The following BRCA1 variants were observed in gnomAD, a reference collection of about 807,000 sequenced individuals.
The protein encoded by BRCA1 is breast cancer type 1 susceptibility protein.
Under a neutral mutation model 173.7 loss-of-function variants are expected in BRCA1, and 140 were observed. The ratio of observed to expected loss-of-function variants is 0.81; its 90% CI spans 0.70 to 0.93. BRCA1 has a LOEUF of 0.93. Among genes scored for constraint, BRCA1 ranks in the 40% least tolerant of loss-of-function variants. The pLI, the probability that BRCA1 is intolerant of heterozygous loss-of-function variation, is 0.00. For missense variants in BRCA1, 1,983 were observed against 2,172.5 expected (o/e 0.91, Z 1.73); for synonymous variants, 662 against 756.0 (o/e 0.88, Z 2.04).
intron 1 of BRCA1, among the ~76,000 whole-genome samples, chr17:43,131,609 T>A (rs1265049420): frequency 6.6e-6 from 1 of 151,802 alleles, no homozygotes; most frequent in Non-Finnish European, 1.5e-5. Context: ...TAGTCCTAGC[T>A]ACTTGGGAGG....
At chr17:43,095,164 T>C (rs2054080786) in intron 9 of BRCA1, among the ~76,000 whole-genome samples, 1 of 152,216 alleles carries the variant, frequency 6.6e-6, no homozygotes, top group Non-Finnish European at 1.5e-5. Flanking sequence ...GAAAACTGGT[T>C]CTGATGTACT....
chr17:43,076,383 G>T, intron 13 of BRCA1, 105 bp downstream of exon 13: 1 of 1,382,950 alleles, frequency 7.2e-7, no homozygotes, highest in Non-Finnish European at 1.0e-6. Flanking sequence ...ATAAATGCCT[G>T]TATGCAAAAA....
chr17:43,050,052 A>G (rs866206672), intron 20 of BRCA1: 1 of 398,642 alleles, frequency 2.5e-6, no homozygotes, highest in Non-Finnish European at 4.4e-6. Flanking sequence ...GAGGATGGAA[A>G]CAAAATTACA....
chr17:43,102,132 G>A lies in BRCA1; in HGVS notation c.441+1990C>T, dbSNP rs183687593. ...GTCGCCCAGGCTGGATCGCAGTGGC[G>A]GGATCTCGGCTCACTGCAAGCTCCA... On this transcript the variant is annotated intron_variant, in intron 6 of 22. Coordinates refer to ENST00000357654, the MANE Select transcript of BRCA1 (RefSeq NM_007294.4). Among the ~76,000 whole-genome samples, 555 of 151,102 alleles carry A rather than the reference G, an allele frequency of 3.7e-3. 3 individuals carry two copies. The highest frequency in any genetic ancestry group is 0.013 in the African/African-American group (517 of 41,184).
chr17:43,105,100 CT>C, intron 4 of BRCA1, 144 bp from the exon 5 acceptor site: 1 of 682,184 alleles, frequency 1.5e-6, no homozygotes, highest in Non-Finnish European at 2.5e-6. Flanking sequence ...TCATTGACAT[CT>C]GTATAAACCG....
rs777595821 is a variant in BRCA1 at position 43,093,881 on chromosome 17, A to G, written c.1650T>C (p.Asn550=). 5 of 1,613,836 alleles carry G rather than the reference A, an allele frequency of 3.1e-6. No homozygotes were observed. In the South Asian group the frequency reaches 5.5e-5, roughly 18 times the overall value. ...EQNGQVMNIT[N]SGHENKTKGD... ...CTTTTGTTTTATTCTCATGACCACT[A>G]TTAGTAATATTCATCACTTGACCAT... The change falls in exon 10 of 23, where the codon AAT becomes AAC. Residue 550 remains asparagine, a synonymous_variant. Coordinates refer to ENST00000357654, the MANE Select transcript of BRCA1 (RefSeq NM_007294.4).
Position 43,092,353 on chromosome 17 carries a change from C to A in BRCA1, c.3178G>T (p.Glu1060Ter), listed in dbSNP as rs80357424. The change falls in exon 10 of 23, where the codon GAA (glutamate) becomes TAA (stop). Residue 1060 changes from glutamate to a stop codon, truncating the protein, a stop_gained. Transcript: ENST00000357654. LOFTEE classifies it high-confidence loss of function. The part of the protein sequence containing the change: ...STNEVGSSIN[E>*]IGSSDENIQA... Reference sequence around the variant, plus strand: ...ATGTTTTCATCACTGGAACCTATTTCATTAATACTGGAGCCCACTTCATTA... The same window carrying A: ...ATGTTTTCATCACTGGAACCTATTTAATTAATACTGGAGCCCACTTCATTA... 6.2e-7 allele frequency: 1 copy of A among 1,613,924 alleles called. No homozygotes were observed. Among genetic ancestry groups the A allele is most frequent in the Non-Finnish European group, 8.5e-7 (1 of 1,179,994 alleles).
chr17:43,124,833 T>C, intron 1 of BRCA1: 1 of 299,204 alleles, frequency 3.3e-6, no homozygotes, highest in Non-Finnish European at 6.6e-6. Context: ...CTCGGCTCAC[T>C]GCAACCTCCG....
intron 1 of BRCA1, among the ~76,000 whole-genome samples, chr17:43,133,847 C>T (rs2055992848): frequency 3.3e-5 from 5 of 152,136 alleles, no homozygotes; most frequent in African/African-American, 1.2e-4. Flanking sequence ...GTTGGCCAGG[C>T]TGGTCTCAAA....
chr17:43,116,191 C>CT lies in BRCA1; in HGVS notation c.81-413dup, dbSNP rs8176097. Reference sequence around the variant, plus strand: ...ATTTCTTTTGAATTCCTTCCTAGAACTTTTTTTTGTTTACTGTAAATGCCT... The same window carrying CT: ...ATTTCTTTTGAATTCCTTCCTAGAACTTTTTTTTTGTTTACTGTAAATGCCT... On this transcript the variant is annotated intron_variant, in intron 2 of 22. Transcript: ENST00000357654. 0.3 allele frequency among the ~76,000 whole-genome samples: 45,565 copies of CT among 151,642 alleles called. 7,127 individuals carry two copies. The highest frequency in any genetic ancestry group is 0.49 in the South Asian group (2,334 of 4,812).
At chr17:43,097,461 G>C (rs1479368758) in intron 7 of BRCA1, among the ~76,000 whole-genome samples, 172 bp from the exon 8 acceptor site, 1 of 152,188 alleles carries the variant, frequency 6.6e-6, no homozygotes, top group African/African-American at 2.4e-5. Flanking sequence ...GTGGTTAAAG[G>C]CATGGGCTTC....
At chr17:43,081,825 A>AT (rs905054924) in intron 12 of BRCA1, among the ~76,000 whole-genome samples, 2 of 152,008 alleles carry the variant, frequency 1.3e-5, no homozygotes, top group Non-Finnish European at 2.9e-5. Flanking sequence ...GTCCATCTGG[A>AT]TTTTTTTTGA....
upstream of BRCA1, among the ~76,000 whole-genome samples, chr17:43,127,747 G>A (rs370314279): frequency 2.6e-5 from 4 of 152,220 alleles, no homozygotes; most frequent in South Asian, 8.3e-4. Context: ...TGCCCCGCTG[G>A]GTGCCAGTGG....
chr17:43,157,819 ACACCCCG>A (rs2056207398), intron 1 of BRCA1, among the ~76,000 whole-genome samples: 1 of 152,020 alleles, frequency 6.6e-6, no homozygotes, highest in Non-Finnish European at 1.5e-5. Context: ...CAACATGGAG[ACACCCCG>A]TCTCTACTAA....
intron 1 of BRCA1, among the ~76,000 whole-genome samples, chr17:43,148,075 T>G (rs985415474): frequency 6.6e-6 from 1 of 152,214 alleles, no homozygotes; most frequent in African/African-American, 2.4e-5. Flanking sequence ...TTGGGCAGTT[T>G]CCTCACTGAC....
Position 43,092,200 on chromosome 17 carries a change from G to A in BRCA1, c.3331C>T (p.Gln1111Ter), listed in dbSNP as rs80357089. ...SNCKHPEIKKQEYEEVVQTVN... is the reference protein window; with the variant it reads ...SNCKHPEIKK ...GTCTGAACTACTTCTTCATATTCTT[G>A]CTTTTTTATTTCAGGATGCTTACAA... The change falls in exon 10 of 23, where the codon CAA becomes TAA. Residue 1111 changes from glutamine (Q) to a stop codon, truncating the protein, a stop_gained. Coordinates refer to ENST00000357654, the MANE Select transcript of BRCA1 (RefSeq NM_007294.4). LOFTEE classifies it high-confidence loss of function. 1 of 1,613,110 alleles carries A rather than the reference G, an allele frequency of 6.2e-7. No individual in the cohort carries two copies. The highest frequency in any genetic ancestry group is 2.2e-5 in the East Asian group (1 of 44,872).
chr17:43,068,821 A>G (rs1255169121), intron 15 of BRCA1, among the ~76,000 whole-genome samples: 1 of 152,200 alleles, frequency 6.6e-6, no homozygotes, highest in Non-Finnish European at 1.5e-5. Flanking sequence ...AAAGCGATCA[A>G]TTCTCTCGTA....
At chr17:43,085,743 CTAA>C (rs2053204453) in intron 11 of BRCA1, among the ~76,000 whole-genome samples, 1 of 152,070 alleles carries the variant, frequency 6.6e-6, no homozygotes. Context: ...GTGGCTAATT[CTAA>C]TAAGACTCCT....
chr17:43,149,780 T>C (rs1272724267), intron 1 of BRCA1, among the ~76,000 whole-genome samples: 3 of 152,140 alleles, frequency 2.0e-5, no homozygotes, highest in Non-Finnish European at 2.9e-5. Context: ...CTTTGGCCAC[T>C]ACCCTCAGTT....
Sources: allele counts gnomAD v4.1 joint callset (sites outside exome capture counted in the v4.1 genomes callset), GRCh38; gene constraint gnomAD v4.1.1; transcripts MANE v1.5; gene names NCBI Gene and HGNC (gene_info 2026-07-23, HGNC 2026-07-21).